Variants in PRMT2 observed in about 807,000 individuals in gnomAD.
The protein encoded by PRMT2 is protein arginine N-methyltransferase 2.
In PRMT2, 26 loss-of-function variants were observed where a neutral mutation model predicts 57.6. That is an observed-to-expected ratio of 0.45 (90% CI 0.33 to 0.63). The LOEUF is 0.63. PRMT2 is among the 20% of genes least tolerant of loss of function. The pLI, the probability that PRMT2 is intolerant of heterozygous loss-of-function variation, is 0.02. For missense variants in PRMT2, 472 were observed against 564.4 expected (o/e 0.84, Z 1.66); for synonymous variants, 219 against 220.0 (o/e 1.00, Z 0.04).
chr21:46,636,846 A>T, intron 2 of PRMT2, 50 bp from the exon 3 acceptor site: 10 of 1,118,820 alleles, frequency 8.9e-6, no homozygotes, highest in Non-Finnish European at 1.3e-5. Flanking sequence ...GAACTCAATT[A>T]TTAAGCAATG....
intron 8 of PRMT2, chr21:46,660,019 G>A (rs2061597137): frequency 1.0e-6 from 1 of 983,836 alleles, no homozygotes; most frequent in Non-Finnish European, 1.2e-6. Flanking sequence ...ACAGGCATAT[G>A]GGGAATTTAA....
At chr21:46,640,825 C>A (rs1287315678) in intron 3 of PRMT2, among the ~76,000 whole-genome samples, 1 of 151,136 alleles carries the variant, frequency 6.6e-6, no homozygotes, top group African/African-American at 2.4e-5. Context: ...ATTTTTGCTG[C>A]TGTTTGACAT....
rs2061659890 is a variant in PRMT2 at position 46,663,391 on chromosome 21, A to G, written c.1106A>G (p.His369Arg). ...LSTGPFHPTT[H>R]WKQTLFMMDD... ...GCACCCCTGTCTTGCAGCACCACAC[A>G]CTGGAAGCAGACGCTGTTCATGATG... Residue 369 changes from histidine (H) to arginine (R), a missense_variant, in exon 11 of 12, where the codon CAC (histidine) becomes CGC (arginine). Physicochemically the swap from His to Arg is conservative, Grantham distance 29. Around this residue, in one of 2 missense-constraint regions of PRMT2, gnomAD observed 229 missense variants for 217.2 expected, o/e 1.05. Coordinates refer to ENST00000355680, the MANE Select transcript of PRMT2 (RefSeq NM_206962.4). The G allele has an allele frequency of 6.2e-7, 1 of 1,612,134 alleles. No individual in the cohort carries two copies. The highest frequency in any genetic ancestry group is 1.7e-5 in the Admixed American group (1 of 59,966).
chr21:46,658,440 G>A (rs2061570684), intron 7 of PRMT2: 1 of 275,118 alleles, frequency 3.6e-6, no homozygotes, highest in Non-Finnish European at 6.9e-6. Flanking sequence ...TGGTAGCTAC[G>A]AGCTCTTCCG....
At chr21:46,654,231 A>C in intron 7 of PRMT2, 1 of 640,990 alleles carries the variant, frequency 1.6e-6, no homozygotes, top group Non-Finnish European at 1.9e-6. Flanking sequence ...AATTGGAAAC[A>C]ACAGAATTGT....
intron 11 of PRMT2, 30 bp from the exon 12 acceptor site, chr21:46,664,265 G>T: frequency 6.5e-7 from 1 of 1,529,172 alleles, no homozygotes; most frequent in Non-Finnish European, 9.1e-7. Context: ...TTTATCATCT[G>T]ATTGACCTGT....
chr21:46,636,576 A>T (rs1037219798), intron 2 of PRMT2, 29 bp downstream of exon 2: 8 of 198,802 alleles, frequency 4.0e-5, no homozygotes, highest in Admixed American at 2.3e-4. Context: ...AATTAAAGCT[A>T]TCACACTTCT....
rs116832861 is a variant in PRMT2 at position 46,646,071 on chromosome 21, C to T, written c.327+1583C>T. Reference sequence around the variant, plus strand: ...TGAGACTGACTGAGGGCAGGAGTGGCTCCCCTGTTGGTTGAATGGAGGTTA... The same window carrying T: ...TGAGACTGACTGAGGGCAGGAGTGGTTCCCCTGTTGGTTGAATGGAGGTTA... On this transcript the variant is annotated intron_variant, in intron 5 of 11. Coordinates refer to ENST00000355680, the MANE Select transcript of PRMT2 (RefSeq NM_206962.4). 3.6e-3 allele frequency among the ~76,000 whole-genome samples: 542 copies of T among 152,194 alleles called. 5 individuals are homozygous for T. The highest frequency in any genetic ancestry group is 0.013 in the African/African-American group (522 of 41,534).
rs1268426827 is a variant in PRMT2 at position 46,661,784 on chromosome 21, C to A, written c.961-16C>A. ...CACGCGGTGCCCACGCGTGCCTTGT[C>A]ATCTGCTTGACCCAGACCCTGAGGG... On this transcript the variant is annotated splice_polypyrimidine_tract_variant and intron_variant, in intron 9 of 11. Coordinates refer to ENST00000355680, the MANE Select transcript of PRMT2 (RefSeq NM_206962.4). 1.1e-5 allele frequency: 15 copies of A among 1,363,028 alleles called. No homozygotes were observed. Among genetic ancestry groups the A allele is most frequent in the Non-Finnish European group, 1.3e-5 (14 of 1,045,330 alleles). The allele number at this position is 1,363,028 out of a possible 1,614,324, so 84.4% of individuals were successfully genotyped here.
chr21:46,651,741 G>A (rs2061457024), intron 7 of PRMT2: 2 of 1,560,972 alleles, frequency 1.3e-6, no homozygotes, highest in Non-Finnish European at 1.8e-6. Flanking sequence ...CGGATTTGAG[G>A]GAGGGAGGGT....
At chr21:46,654,969 A>T in intron 7 of PRMT2, 1 of 960,214 alleles carries the variant, frequency 1.0e-6, no homozygotes, top group Non-Finnish European at 1.2e-6. Context: ...AGGTCCATGA[A>T]ATGGACCAAT....
chr21:46,646,194 G>A (rs2061362473), intron 5 of PRMT2, among the ~76,000 whole-genome samples: 2 of 152,174 alleles, frequency 1.3e-5, no homozygotes, highest in Admixed American at 1.3e-4. Flanking sequence ...AGAGGTGTTT[G>A]CTATATAACA....
intron 8 of PRMT2, chr21:46,660,099 G>GTTA: frequency 1.0e-6 from 1 of 970,536 alleles, no homozygotes; most frequent in Non-Finnish European, 1.2e-6. Flanking sequence ...AAATAAATGT[G>GTTA]TAAATATAGT....
rs971779778 is a variant in PRMT2 at position 46,659,271 on chromosome 21, A to G, written c.830+351A>G. 1.1e-5 allele frequency: 11 copies of G among 1,026,618 alleles called. No homozygotes were observed. In the Admixed American group the frequency reaches 4.4e-4, roughly 41 times the overall value. 63.6% of individuals were successfully genotyped at this position (1,026,618 alleles called of 1,614,324 possible). On this transcript the variant is annotated intron_variant, in intron 8 of 11. Transcript: ENST00000355680. ...TGAAAACTTAATTCTGCATGGAATC[A>G]GCGTCAGCGACAGACATCCATGGGG... is the stretch of plus-strand genomic sequence containing the variant.
In PRMT2 at chr21:46,649,271, G is replaced by A. The variant is rs573566949; in HGVS notation, c.490-304G>A. 6.6e-5 allele frequency among the ~76,000 whole-genome samples: 10 copies of A among 152,208 alleles called. No homozygotes were observed. Among genetic ancestry groups the A allele is most frequent in the African/African-American group, 2.4e-4 (10 of 41,458 alleles). On this transcript the variant is annotated intron_variant, in intron 6 of 11. Transcript: ENST00000355680. This position sits in a 1 kb window ranked among gnomAD's most constrained non-coding sequence, Gnocchi z 4.8. ...TGGGTGCTAAGAAGTTGCTGTGCTGGTCATGGATTAAGATTGCTGTGCGTG... is the reference window on the plus strand; with the variant it reads ...TGGGTGCTAAGAAGTTGCTGTGCTGATCATGGATTAAGATTGCTGTGCGTG...
At chr21:46,651,952 C>A in intron 7 of PRMT2, 1 of 1,613,342 alleles carries the variant, frequency 6.2e-7, no homozygotes, top group Non-Finnish European at 8.5e-7. Context: ...TGCCTGTTCT[C>A]AGAGCCCCTC....
At chr21:46,661,577 G>C (rs916220196) in intron 9 of PRMT2, 8 of 375,694 alleles carry the variant, frequency 2.1e-5, no homozygotes, top group African/African-American at 1.0e-4. Context: ...AGAATCTGGG[G>C]TAGAAAATTG....
chr21:46,658,651 A>G, intron 7 of PRMT2, 94 bp from the exon 8 acceptor site: 1 of 1,552,054 alleles, frequency 6.4e-7, no homozygotes, highest in Non-Finnish European at 8.7e-7. Flanking sequence ...AAACTGTAGA[A>G]CTGTCAGACT....
rs1331917417 is a variant in PRMT2 at position 46,643,650 on chromosome 21, G to A, written c.144+11G>A. The A allele has an allele frequency of 5.0e-6, 8 of 1,594,434 alleles. No homozygotes were observed. Among genetic ancestry groups the A allele is most frequent in the Non-Finnish European group, 6.8e-6 (8 of 1,174,110 alleles). ...ACCGATGAGACCCAGGTAGCCACAC[G>A]TGGTGGTTAATGCTTTATGGCTTTC... On this transcript the variant is annotated intron_variant, in intron 4 of 11. Coordinates refer to ENST00000355680, the MANE Select transcript of PRMT2 (RefSeq NM_206962.4).
Sources: gnomAD v4.1 joint callset for allele counts (sites outside exome capture counted in the v4.1 genomes callset) on GRCh38, gnomAD v4.1.1 for gene constraint, gnomAD v4.1.1 regional missense constraint, Gnocchi (gnomAD v3.1) non-coding constraint, MANE v1.5 for transcripts, NCBI Gene and HGNC (gene_info 2026-07-23, HGNC 2026-07-21) for gene names.